Variants in CACNA1D observed in about 807,000 individuals in gnomAD.
The protein encoded by CACNA1D is voltage-dependent L-type calcium channel subunit alpha-1D.
Under a neutral mutation model 257.1 loss-of-function variants are expected in CACNA1D, and 55 were observed. That is an observed-to-expected ratio of 0.21 (90% confidence interval 0.17 to 0.27). The LOEUF (loss-of-function observed/expected upper bound fraction) is 0.27, where lower values mean the gene tolerates loss of function less well. Among genes scored for constraint, CACNA1D ranks in the 10% least tolerant of loss-of-function variants. The pLI is 1.00. For synonymous variants in CACNA1D, 980 were observed against 1,014.9 expected (o/e 0.97, Z 0.65); for missense variants, 1,876 against 2,784.0 (o/e 0.67, Z 7.34).
chr3:53,576,863 G>A (rs1421505785), intron 3 of CACNA1D, among the ~76,000 whole-genome samples: 6 of 152,156 alleles, frequency 3.9e-5, no homozygotes, highest in Admixed American at 3.3e-4. Flanking sequence ...ATTGATAAAT[G>A]CCTACATTGT....
At chr3:53,593,749 C>G (rs979827936) in intron 3 of CACNA1D, among the ~76,000 whole-genome samples, 1 of 152,146 alleles carries the variant, frequency 6.6e-6, no homozygotes, top group Non-Finnish European at 1.5e-5. Flanking sequence ...TTTTTTCCTT[C>G]TAAGCTGGTT....
intron 45 of CACNA1D, 27 bp from the exon 46 acceptor site, chr3:53,808,622 G>T: frequency 1.2e-6 from 2 of 1,604,466 alleles, no homozygotes. Context: ...TTGCTTCACA[G>T]CTGTGTGATG....
At chr3:53,570,542 C>T (rs1414092545) in intron 3 of CACNA1D, among the ~76,000 whole-genome samples, 1 of 152,214 alleles carries the variant, frequency 6.6e-6, no homozygotes, top group East Asian at 1.9e-4. Context: ...CTGTAAACGT[C>T]AACGGAGCTA....
intron 40 of CACNA1D, among the ~76,000 whole-genome samples, chr3:53,787,223 AC>A (rs2095458876): frequency 6.6e-6 from 1 of 151,924 alleles, no homozygotes; most frequent in African/African-American, 2.4e-5. Flanking sequence ...CTACCCTCGC[AC>A]CCCAGCCCCT....
intron 46 of CACNA1D, chr3:53,809,774 G>C: frequency 1.6e-6 from 1 of 609,186 alleles, no homozygotes; most frequent in Admixed American, 2.7e-5. Context: ...TATGGATTCG[G>C]GGTAAAAGAA....
chr3:53,574,788 CT>C (rs1006340410), intron 3 of CACNA1D, among the ~76,000 whole-genome samples: 8 of 152,114 alleles, frequency 5.3e-5, no homozygotes, highest in Admixed American at 3.9e-4. Context: ...TGCAGGTTTG[CT>C]TTTGACACGC....
rs531417063 is a variant in CACNA1D at position 53,649,812 on chromosome 3, C to T, written c.484-967C>T. Among the ~76,000 whole-genome samples, 6 of 152,258 alleles carry T rather than the reference C, an allele frequency of 3.9e-5. No individual in the cohort carries two copies. In the East Asian group the frequency reaches 5.8e-4, roughly 15 times the overall value. ...CTTTGTTATTTAAGTAGCTTCATGC[C>T]GAGGAATGCCTCTTGCAAAGTTAAT... On this transcript the variant is annotated intron_variant, in intron 3 of 47. Coordinates refer to ENST00000350061, the MANE Select transcript of CACNA1D (RefSeq NM_001128840.3).
chr3:53,678,913 A>G (rs1206641869), intron 8 of CACNA1D: 1 of 152,100 alleles, frequency 6.6e-6, no homozygotes, highest in Non-Finnish European at 1.5e-5. Context: ...AATATTTTCT[A>G]AGTGGAGACA....
chr3:53,738,329 T>C (rs2095079301), intron 20 of CACNA1D, among the ~76,000 whole-genome samples: 1 of 152,208 alleles, frequency 6.6e-6, no homozygotes, highest in South Asian at 2.1e-4. Flanking sequence ...GAAAAAGTGC[T>C]TTCCCCATGG....
At chr3:53,588,270 G>C (rs1432530110) in intron 3 of CACNA1D, among the ~76,000 whole-genome samples, 3 of 152,172 alleles carry the variant, frequency 2.0e-5, no homozygotes, top group African/African-American at 4.8e-5. Flanking sequence ...AGTCTCAGGG[G>C]CAAGCTCTTT....
In CACNA1D at chr3:53,660,117, C is replaced by G. The variant is rs555638208; in HGVS notation, c.624-16C>G. ...GTAACAGACTCTAACATTTCTTTCT[C>G]TTTCTCTTCTTTCAGATTGTTTAGT... On this transcript the variant is annotated splice_polypyrimidine_tract_variant and intron_variant, in intron 4 of 47. Transcript: ENST00000350061. The G allele has an allele frequency of 1.2e-6, 2 of 1,612,042 alleles. No homozygotes were observed.
chr3:53,640,993 G>A (rs889703606), intron 3 of CACNA1D, among the ~76,000 whole-genome samples: 1 of 141,974 alleles, frequency 7.0e-6, no homozygotes, highest in Non-Finnish European at 1.5e-5. Context: ...TCCCTTAAAG[G>A]GTGAAGCAGG....
chr3:53,510,228 G>GT (rs1271179146), intron 3 of CACNA1D, among the ~76,000 whole-genome samples: 1 of 152,164 alleles, frequency 6.6e-6, no homozygotes, highest in Non-Finnish European at 1.5e-5. Context: ...CTTCCGAATT[G>GT]TTTTTCACAG....
intron 40 of CACNA1D, chr3:53,796,236 C>T: frequency 1.6e-5 from 7 of 425,702 alleles, no homozygotes; most frequent in South Asian, 1.0e-4. Context: ...CGACTGTGTG[C>T]AGGGCCAGCC....
intron 29 of CACNA1D, among the ~76,000 whole-genome samples, chr3:53,758,435 G>C (rs903885636): frequency 6.6e-6 from 1 of 152,160 alleles, no homozygotes; most frequent in African/African-American, 2.4e-5. Flanking sequence ...TTTCCCATTT[G>C]CAACCGTTCC....
chr3:53,516,538 GA>G (rs1209630931), intron 3 of CACNA1D, among the ~76,000 whole-genome samples: 3 of 152,250 alleles, frequency 2.0e-5, no homozygotes, highest in African/African-American at 4.8e-5. Flanking sequence ...TGCTGCAGCA[GA>G]AAGGCCTCCT....
intron 40 of CACNA1D, among the ~76,000 whole-genome samples, chr3:53,790,058 A>G (rs1394594222): frequency 1.3e-5 from 2 of 152,076 alleles, no homozygotes; most frequent in Admixed American, 6.5e-5. Flanking sequence ...CAGCCCCTCT[A>G]CAGAGGGAAC....
chr3:53,742,013 G>A (rs1158851892), intron 21 of CACNA1D, among the ~76,000 whole-genome samples: 1 of 152,106 alleles, frequency 6.6e-6, no homozygotes, highest in African/African-American at 2.4e-5. Flanking sequence ...TTTAGAGAAT[G>A]GAAAATAAGC....
intron 3 of CACNA1D, among the ~76,000 whole-genome samples, chr3:53,505,859 C>T (rs1019215475): frequency 2.6e-5 from 4 of 152,184 alleles, no homozygotes; most frequent in African/African-American, 4.8e-5. Flanking sequence ...TGGATGCTTG[C>T]CTGTGGCACC....
Sources: allele counts gnomAD v4.1 joint callset (sites outside exome capture counted in the v4.1 genomes callset), GRCh38; gene constraint gnomAD v4.1.1; transcripts MANE v1.5; gene names NCBI Gene and HGNC (gene_info 2026-07-23, HGNC 2026-07-21).